Variants in RPL38 observed in about 807,000 individuals in gnomAD.
RPL38 encodes the protein large ribosomal subunit protein eL38.
Under a neutral mutation model 12.8 loss-of-function variants are expected in RPL38, and 2 were observed. The observed-to-expected ratio is 0.16, with a 90% CI of 0.06 to 0.49. RPL38 has a LOEUF of 0.49. Among genes scored for constraint, RPL38 ranks in the 20% least tolerant of loss-of-function variants. The pLI is 0.96. For missense variants in RPL38, 52 were observed against 79.8 expected, an observed-to-expected ratio of 0.65 and a Z score of 1.33; for synonymous variants, 42 against 30.1, an observed-to-expected ratio of 1.39 and a Z score of -1.29.
chr17:74,207,402 C>A (rs539793746), intron 3 of RPL38, among the ~76,000 whole-genome samples: 1 of 152,196 alleles, frequency 6.6e-6, no homozygotes, highest in Non-Finnish European at 1.5e-5. Context: ...TACATTTTCG[C>A]TAGTGTGAAT....
At chr17:74,204,506 C>A in intron 3 of RPL38, 1 of 396,834 alleles carries the variant, frequency 2.5e-6, no homozygotes, top group South Asian at 2.6e-5. Flanking sequence ...AACACACGTC[C>A]CATAAACACT....
At chr17:74,209,337 GC>G in intron 4 of RPL38, 28 bp downstream of exon 4, 1 of 1,610,128 alleles carries the variant, frequency 6.2e-7, no homozygotes, top group East Asian at 2.2e-5. Flanking sequence ...CACTTCAGGG[GC>G]GGGTGGGGTT....
At chr17:74,207,807 A>G (rs1487820606) in intron 3 of RPL38, among the ~76,000 whole-genome samples, 1 of 152,160 alleles carries the variant, frequency 6.6e-6, no homozygotes, top group Non-Finnish European at 1.5e-5. Flanking sequence ...CACCCAACTG[A>G]ATAAACATTT....
Position 74,209,783 on chromosome 17 carries a change from C to CTT in RPL38, c.188-18_188-17dup, listed in dbSNP as rs558476008. On this transcript the variant is annotated intron_variant, in intron 4 of 4. Coordinates refer to ENST00000311111, the MANE Select transcript of RPL38 (RefSeq NM_000999.4). ...TCAGATGTGTCTTCTGGATGGCTTA[C>CTT]TTTTGTCTCTTTCCCTCTAGGTTTG... 3.0e-4 allele frequency: 487 copies of CTT among 1,611,462 alleles called. 1 individual carries two copies. Among genetic ancestry groups the CTT allele is most frequent in the South Asian group, 1.0e-3 (95 of 91,010 alleles).
chr17:74,209,404 T>A, intron 4 of RPL38, 95 bp downstream of exon 4: 2 of 1,431,506 alleles, frequency 1.4e-6, no homozygotes, highest in South Asian at 2.6e-5. Context: ...CTCTCAGATT[T>A]CAGAGCCCAT....
At chr17:74,208,138 C>A (rs1056662153) in intron 3 of RPL38, among the ~76,000 whole-genome samples, 2 of 152,232 alleles carry the variant, frequency 1.3e-5, no homozygotes, top group African/African-American at 4.8e-5. Context: ...AGCCCATGTT[C>A]AGCCCTCAGC....
intron 1 of RPL38, 21 bp downstream of exon 1, chr17:74,203,766 G>C (rs2050082535): frequency 3.0e-6 from 2 of 657,056 alleles, no homozygotes; most frequent in Non-Finnish European, 5.3e-6. Context: ...GCAATCCACT[G>C]CCAGGTGAAA....
intron 3 of RPL38, among the ~76,000 whole-genome samples, chr17:74,207,243 G>T (rs1418356927): frequency 6.6e-6 from 1 of 151,548 alleles, no homozygotes; most frequent in Admixed American, 6.6e-5. Flanking sequence ...GCCTCAAGCA[G>T]TCCTCCCACC....
At position 74,209,311 on chromosome 17, in the gene RPL38, T is replaced by C; in HGVS notation, c.187+2T>C. On this transcript the variant is annotated splice_donor_variant, in intron 4 of 4. Transcript: ENST00000311111. LOFTEE classifies it high-confidence loss of function. ...AACTGAAGCAGTCCCTGCCCCCCGGTGAGTGAGCCTGAAGTCACTTCAGGG... is the reference window on the plus strand; with the variant it reads ...AACTGAAGCAGTCCCTGCCCCCCGGCGAGTGAGCCTGAAGTCACTTCAGGG... 1 of 1,613,810 alleles carries C rather than the reference T, an allele frequency of 6.2e-7. No individual in the cohort carries two copies.
At chr17:74,203,849 GGA>G in intron 1 of RPL38, 67 bp from the exon 2 acceptor site, 1 of 1,371,166 alleles carries the variant, frequency 7.3e-7, no homozygotes, top group Non-Finnish European at 9.9e-7. Context: ...ATATTTCGGG[GGA>G]GAGCGGGAAA....
intron 3 of RPL38, among the ~76,000 whole-genome samples, chr17:74,206,970 C>A (rs999886138): frequency 1.3e-5 from 2 of 151,896 alleles, no homozygotes; most frequent in African/African-American, 4.8e-5. Context: ...CCTGCCTTGG[C>A]CTCCCAAAGT....
At chr17:74,209,018 C>A (rs1239708994) in intron 3 of RPL38, among the ~76,000 whole-genome samples, 169 bp from the exon 4 acceptor site, 1 of 152,060 alleles carries the variant, frequency 6.6e-6, no homozygotes, top group East Asian at 1.9e-4. Flanking sequence ...CAATAAAAGT[C>A]CCAAGTTGGA....
In RPL38 at chr17:74,209,177, T is replaced by C. The variant is rs752167317; in HGVS notation, c.65-10T>C. On this transcript the variant is annotated splice_polypyrimidine_tract_variant and intron_variant, in intron 3 of 4. Transcript: ENST00000311111. ...GATACAATTTAATTCCTGATTCTGG[T>C]CTCCGGTAGCTGTCAAGATCAAGAA... The C allele has an allele frequency of 1.2e-6, 2 of 1,612,940 alleles. No homozygotes were observed. The highest frequency in any genetic ancestry group is 1.1e-5 in the South Asian group (1 of 90,882).
At chr17:74,209,487 A>G in intron 4 of RPL38, 178 bp downstream of exon 4, 1 of 724,428 alleles carries the variant, frequency 1.4e-6, no homozygotes, top group South Asian at 1.9e-5. Context: ...TATATACAGT[A>G]CCAGAAATCA....
Position 74,210,133 on chromosome 17 carries a change from A to G in RPL38, c.*304A>G. ...CTCCCGAGTGGCTGGGATTACAGGC[A>G]CACATCACCACGCCTGGCCAATTTT... is the stretch of plus-strand genomic sequence containing the variant. On this transcript the variant is annotated 3_prime_UTR_variant, in exon 5 of 5. Coordinates refer to ENST00000311111, the MANE Select transcript of RPL38 (RefSeq NM_000999.4). 3.4e-6 allele frequency: 1 copy of G among 292,198 alleles called. No homozygotes were observed. Among genetic ancestry groups the G allele is most frequent in the Non-Finnish European group, 6.4e-6 (1 of 156,096 alleles). The allele number at this position is 292,198 out of a possible 1,614,324, so 18.1% of individuals were successfully genotyped here.
chr17:74,204,874 A>G (rs2050097838), intron 3 of RPL38: 2 of 151,314 alleles, frequency 1.3e-5, no homozygotes, highest in African/African-American at 4.8e-5. Context: ...TGGTAGAGAC[A>G]GAGTTTCACC....
At chr17:74,205,150 T>C (rs2050101076) in intron 3 of RPL38, 2 of 152,228 alleles carry the variant, frequency 1.3e-5, no homozygotes, top group Non-Finnish European at 2.9e-5. Context: ...TTTCGATGGA[T>C]AGGTGCCAAT....
intron 3 of RPL38, among the ~76,000 whole-genome samples, chr17:74,206,728 T>A (rs1426366120): frequency 6.8e-6 from 1 of 146,268 alleles, no homozygotes; most frequent in Non-Finnish European, 1.5e-5. Context: ...TTTTTTTTTT[T>A]TTGACATGGA....
chr17:74,204,516 T>C (rs2050093481), intron 3 of RPL38: 1 of 374,436 alleles, frequency 2.7e-6, no homozygotes, highest in South Asian at 2.7e-5. Context: ...CCATAAACAC[T>C]GTTTAGGTTC....
Sources: allele counts gnomAD v4.1 joint callset (sites outside exome capture counted in the v4.1 genomes callset), GRCh38; gene constraint gnomAD v4.1.1; transcripts MANE v1.5; gene names NCBI Gene and HGNC (gene_info 2026-07-23, HGNC 2026-07-21).